EYS: variants seen among roughly 807,000 people sequenced by gnomAD.
EYS encodes protein eyes shut homolog.
EYS carries 250 observed loss-of-function variants against 282.1 expected under a neutral mutation model. That is an observed-to-expected ratio of 0.89 (90% CI 0.80 to 0.98). EYS has a LOEUF of 0.98. Ranked by LOEUF, EYS falls within the 50% of genes least tolerant of loss-of-function variation. The pLI, the probability that EYS is intolerant of heterozygous loss-of-function variation, is 0.00. For missense variants in EYS, 4,016 were observed against 3,709.0 expected (o/e 1.08, Z -2.15); for synonymous variants, 1,355 against 1,282.9 (o/e 1.06, Z -1.20).
intron 6 of EYS, 30 bp downstream of exon 6, chr6:65,405,144 C>G: frequency 1.9e-6 from 3 of 1,541,386 alleles, no homozygotes; most frequent in Non-Finnish European, 2.7e-6. Flanking sequence ...AATTTAAAAC[C>G]ACTCACTTAT....
At chr6:64,238,809 T>C (rs1156908560) in intron 30 of EYS, among the ~76,000 whole-genome samples, 2 of 152,176 alleles carry the variant, frequency 1.3e-5, no homozygotes, top group African/African-American at 4.8e-5. Flanking sequence ...ATGTGCAGGT[T>C]TGTTACATAG....
rs746125281 is a variant in EYS at position 64,902,212 on chromosome 6, C to T, written c.2747G>A (p.Cys916Tyr). The T allele has an allele frequency of 6.5e-7, 1 of 1,549,776 alleles. No individual in the cohort carries two copies. Among genetic ancestry groups the T allele is most frequent in the South Asian group, 1.2e-5 (1 of 83,826 alleles). Residue 916 changes from cysteine to tyrosine, a missense_variant, in exon 18 of 43, where the codon TGC becomes TAC. Coordinates refer to ENST00000503581, the MANE Select transcript of EYS (RefSeq NM_001142800.2). Reference protein sequence around the residue: ...EDMVNNFRCICRPGFSGSLCE... With the variant: ...EDMVNNFRCIYRPGFSGSLCE... ...CAGAGATCCAGAAAACCCAGGTCTG[C>T]AAATACACCTTTTAAACAAAAAATT... is the stretch of plus-strand genomic sequence containing the variant.
At chr6:63,907,552 C>G (rs773938302) in intron 35 of EYS, among the ~76,000 whole-genome samples, 2 of 152,136 alleles carry the variant, frequency 1.3e-5, no homozygotes, top group Non-Finnish European at 2.9e-5. Context: ...TTTCTGTGTT[C>G]CTCTTTACGA....
intron 5 of EYS, among the ~76,000 whole-genome samples, chr6:65,454,049 G>C (rs895037361): frequency 8.8e-6 from 1 of 113,896 alleles, no homozygotes; most frequent in South Asian, 2.8e-4. Flanking sequence ...TAACCACTGG[G>C]GGATTGTTGG....
chr6:64,921,775 C>T (rs962295737), intron 15 of EYS, among the ~76,000 whole-genome samples: 1 of 152,066 alleles, frequency 6.6e-6, no homozygotes, highest in African/African-American at 2.4e-5. Context: ...AAACTTCATC[C>T]TCAATAAAAC....
chr6:64,417,610 T>A (rs534951904), intron 28 of EYS, among the ~76,000 whole-genome samples: 1 of 152,156 alleles, frequency 6.6e-6, no homozygotes, highest in East Asian at 1.9e-4. Context: ...AGGAATAATA[T>A]TTTAAAAATC....
chr6:64,714,619 G>A (rs7773840), intron 22 of EYS, among the ~76,000 whole-genome samples: 12,763 of 149,484 alleles, frequency 0.085, 704 homozygotes, highest in East Asian at 0.32. Context: ...TCCGCCTCCC[G>A]GGTTCACACC....
At chr6:64,712,964 C>T (rs1771261125) in intron 22 of EYS, among the ~76,000 whole-genome samples, 1 of 152,142 alleles carries the variant, frequency 6.6e-6, no homozygotes, top group Non-Finnish European at 1.5e-5. Context: ...AGAATGCATT[C>T]TAAAATCATC....
chr6:65,292,496 T>C (rs12198911), intron 12 of EYS, among the ~76,000 whole-genome samples: 7,047 of 151,822 alleles, frequency 0.046, 223 homozygotes, highest in South Asian at 0.09. Flanking sequence ...CGAGATAGTC[T>C]TGGGCAGTGT....
chr6:65,343,255 T>C (rs1008076617), intron 10 of EYS, among the ~76,000 whole-genome samples: 2 of 151,256 alleles, frequency 1.3e-5, no homozygotes, highest in African/African-American at 4.8e-5. Context: ...GATACATTAA[T>C]AAAGAAAAGG....
chr6:65,540,469 A>T (rs1768123071), intron 2 of EYS, among the ~76,000 whole-genome samples: 1 of 152,222 alleles, frequency 6.6e-6, no homozygotes, highest in South Asian at 2.1e-4. Context: ...TATAAAGTCT[A>T]TTGATCAGAA....
chr6:64,495,329 A>G (rs915159455), intron 26 of EYS, among the ~76,000 whole-genome samples: 1 of 151,784 alleles, frequency 6.6e-6, no homozygotes, highest in Non-Finnish European at 1.5e-5. Flanking sequence ...TTAGTCACAT[A>G]TCCTAAAGTC....
chr6:65,151,328 T>C (rs920167330), intron 12 of EYS, among the ~76,000 whole-genome samples: 3 of 151,864 alleles, frequency 2.0e-5, no homozygotes, highest in Admixed American at 6.6e-5. Context: ...CTGTAGAAGA[T>C]AGGGAAGGAG....
At chr6:64,854,094 G>A (rs1252315743) in intron 19 of EYS, among the ~76,000 whole-genome samples, 1 of 151,938 alleles carries the variant, frequency 6.6e-6, no homozygotes, top group East Asian at 1.9e-4. Flanking sequence ...ATAAAGTCAG[G>A]AAACAACAGG....
chr6:64,979,181 C>G (rs1770572060), intron 14 of EYS, among the ~76,000 whole-genome samples: 1 of 151,690 alleles, frequency 6.6e-6, no homozygotes, highest in South Asian at 2.1e-4. Flanking sequence ...GTATGACTCG[C>G]TTTATTGCTA....
chr6:64,349,963 T>G (rs1451722861), intron 29 of EYS, among the ~76,000 whole-genome samples: 1 of 151,482 alleles, frequency 6.6e-6, no homozygotes, highest in Non-Finnish European at 1.5e-5. Context: ...TATTTATTTA[T>G]TTTTTTGCTA....
chr6:65,432,952 G>A (rs959453475), intron 5 of EYS, among the ~76,000 whole-genome samples: 1 of 152,094 alleles, frequency 6.6e-6, no homozygotes, highest in Non-Finnish European at 1.5e-5. Flanking sequence ...TTTAACCTTG[G>A]CCAACTGGGA....
intron 2 of EYS, among the ~76,000 whole-genome samples, chr6:65,591,755 G>A (rs865947169): frequency 6.6e-6 from 1 of 151,902 alleles, no homozygotes; most frequent in African/African-American, 2.4e-5. Context: ...ACATGCCTTT[G>A]CGTTGGAAAA....
intron 12 of EYS, among the ~76,000 whole-genome samples, chr6:65,135,314 C>T (rs754139881): frequency 6.6e-6 from 1 of 151,844 alleles, no homozygotes; most frequent in Non-Finnish European, 1.5e-5. Flanking sequence ...TTTCCAAAGA[C>T]AAATTCATTT....
Sources: allele counts gnomAD v4.1 joint callset (sites outside exome capture counted in the v4.1 genomes callset), GRCh38; gene constraint gnomAD v4.1.1; transcripts MANE v1.5; gene names NCBI Gene and HGNC (gene_info 2026-07-23, HGNC 2026-07-21).